ANK2: variants seen among roughly 807,000 people sequenced by gnomAD.
ANK2 encodes the protein ankyrin 2.
In ANK2, 83 loss-of-function variants were observed where a neutral mutation model predicts 360.5. That is an observed-to-expected ratio of 0.23 (90% CI 0.19 to 0.28). The LOEUF is 0.28. Among genes scored for constraint, ANK2 ranks in the 10% least tolerant of loss-of-function variants. The pLI is 1.00. For synonymous variants in ANK2, 1,740 were observed against 1,759.5 expected (o/e 0.99, Z 0.28); for missense variants, 4,201 against 4,795.7 (o/e 0.88, Z 3.66).
At chr4:113,039,481 G>A (rs2062412567) in intron 2 of ANK2, among the ~76,000 whole-genome samples, 1 of 151,840 alleles carries the variant, frequency 6.6e-6, no homozygotes, top group African/African-American at 2.4e-5. Context: ...CTCTCTACTT[G>A]TAATGCCTGA....
chr4:113,047,597 A>G (rs552731487), upstream of ANK2, among the ~76,000 whole-genome samples: 222 of 152,152 alleles, frequency 1.5e-3, 3 homozygotes, highest in African/African-American at 4.0e-3. Flanking sequence ...AGGAAATGGC[A>G]TGGGGATTTC....
chr4:113,356,023 C>G lies in ANK2; in HGVS notation c.7405C>G (p.Leu2469Val). Residue 2469 changes from leucine (L) to valine (V), a missense_variant, in exon 38 of 46, where the codon CTG (leucine) becomes GTG (valine). By Grantham distance (32) the Leu-to-Val change is conservative (BLOSUM62 1). Around this residue, in one of 4 missense-constraint regions of ANK2, gnomAD observed 2,642 missense variants for 2,714.5 expected, o/e 0.97. Transcript: ENST00000357077. ...GAAAGAATCCCCTTGCCGTGACTCT[C>G]TGGAAAGCAGCCCTGTTGAACCAAA... ...PLKESPCRDS[L>V]ESSPVEPKMK... The G allele has an allele frequency of 6.2e-7, 1 of 1,614,122 alleles. No individual in the cohort carries two copies. The highest frequency in any genetic ancestry group is 8.5e-7 in the Non-Finnish European group (1 of 1,179,980).
chr4:113,271,502 A>ACACACT (rs898920008), intron 14 of ANK2, among the ~76,000 whole-genome samples: 2 of 151,478 alleles, frequency 1.3e-5, no homozygotes, highest in African/African-American at 2.4e-5. Context: ...ACACACACAC[A>ACACACT]CTTTTGGAAA....
At chr4:113,257,028 G>A (rs139074907) in intron 11 of ANK2, among the ~76,000 whole-genome samples, 30 of 152,118 alleles carry the variant, frequency 2.0e-4, no homozygotes, top group African/African-American at 7.0e-4. Flanking sequence ...CTCATAAACA[G>A]GGGAAATGAC....
the ANK2 span, among the ~76,000 whole-genome samples, chr4:112,779,484 A>T: frequency 6.6e-6 from 1 of 151,996 alleles, no homozygotes; most frequent in Non-Finnish European, 1.5e-5. Flanking sequence ...GCGCCACTGC[A>T]CTCCAGCCTG....
intron 5 of ANK2, among the ~76,000 whole-genome samples, chr4:113,236,515 G>A (rs1400860827): frequency 1.3e-5 from 2 of 152,118 alleles, no homozygotes; most frequent in South Asian, 2.1e-4. Flanking sequence ...TCCATCCCCA[G>A]GGGCTGTTTT....
chr4:113,175,500 C>A lies in ANK2; in HGVS notation c.186+983C>A, dbSNP rs191150474. On this transcript the variant is annotated intron_variant, in intron 2 of 45. Transcript: ENST00000357077. ...CTTTCCCCCTCTCCAGCCCAGCACT[C>A]CTCTCTTTGTTCACCTTCTGCATCC... Among the ~76,000 whole-genome samples the A allele has an allele frequency of 2.0e-5, 3 of 152,288 alleles. No homozygotes were observed. The East Asian group carries it at 5.8e-4, about 29-fold the overall frequency.
In ANK2 at chr4:113,278,490, C is replaced by T. The variant is rs898855441; in HGVS notation, c.1813C>T (p.His605Tyr). The T allele has an allele frequency of 6.2e-7, 1 of 1,613,972 alleles. No homozygotes were observed. The highest frequency in any genetic ancestry group is 1.1e-5 in the South Asian group (1 of 91,050). The stretch of plus-strand genomic sequence containing the variant: ...CCTTACCCCGCTCCATGTTGCTGCT[C>T]ATTATGACAACCAGAAGGTGGCGCT... ...NGLTPLHVAA[H>Y]YDNQKVALLL... The change falls in exon 17 of 46, where the codon CAT (histidine) becomes TAT (tyrosine). Residue 605 changes from histidine to tyrosine, a missense_variant. Physicochemically the swap from His to Tyr is moderately conservative, Grantham distance 83. Transcript: ENST00000357077.
At chr4:112,777,560 C>CT in the ANK2 span, among the ~76,000 whole-genome samples, 1 of 149,564 alleles carries the variant, frequency 6.7e-6, no homozygotes, top group Non-Finnish European at 1.5e-5. Context: ...TTAAAAAGCC[C>CT]TGCTAATAAA....
At chr4:113,223,470 A>T (rs3025749) in intron 4 of ANK2, among the ~76,000 whole-genome samples, 187 of 152,318 alleles carry the variant, frequency 1.2e-3, no homozygotes, top group Middle Eastern at 3.4e-3. Flanking sequence ...GTAAATATAG[A>T]GTATATAATA....
At chr4:112,966,318 A>G (rs948536148) in intron 2 of ANK2, among the ~76,000 whole-genome samples, 1 of 151,750 alleles carries the variant, frequency 6.6e-6, no homozygotes, top group African/African-American at 2.4e-5. Context: ...CAATTCGAGC[A>G]TAACTCTTTT....
chr4:112,844,424 A>C (rs1443627089), intron 1 of ANK2, among the ~76,000 whole-genome samples: 1 of 152,240 alleles, frequency 6.6e-6, no homozygotes, highest in Non-Finnish European at 1.5e-5. Context: ...CTTGAAGGCA[A>C]GGGCCATAAC....
chr4:113,187,497 T>C (rs1489516242), intron 2 of ANK2, among the ~76,000 whole-genome samples: 1 of 152,214 alleles, frequency 6.6e-6, no homozygotes, highest in Non-Finnish European at 1.5e-5. Flanking sequence ...AGTTTCTTAT[T>C]AACCAATTGT....
At chr4:113,018,589 C>A (rs1256820839) in intron 2 of ANK2, among the ~76,000 whole-genome samples, 1 of 152,140 alleles carries the variant, frequency 6.6e-6, no homozygotes, top group East Asian at 1.9e-4. Flanking sequence ...AGGGTGTAGC[C>A]AGGATCAACC....
chr4:113,245,627 C>T (rs533933352), intron 9 of ANK2, among the ~76,000 whole-genome samples: 26 of 152,204 alleles, frequency 1.7e-4, no homozygotes, highest in African/African-American at 6.3e-4. Flanking sequence ...GGGTAACCAC[C>T]CCGTTATTCA....
chr4:112,788,437 G>A, the ANK2 span: 9 of 1,599,940 alleles, frequency 5.6e-6, no homozygotes, highest in African/African-American at 2.7e-5. Flanking sequence ...GAGCTTTCTT[G>A]TTCTCCACCA....
At position 112,960,749 on chromosome 4, in the gene ANK2, T is replaced by C. The variant is rs2034372212; in HGVS notation, c.21+56235T>C. ...ACCATCATTTTCCTCAACTACAGCGTTTTCATAGTAATAAGATAATTTATT... is the reference window on the plus strand; with the variant it reads ...ACCATCATTTTCCTCAACTACAGCGCTTTCATAGTAATAAGATAATTTATT... On this transcript the variant is annotated intron_variant, in intron 2 of 30. Transcript: ENST00000503271. 3.3e-5 allele frequency among the ~76,000 whole-genome samples: 5 copies of C among 152,230 alleles called. No individual in the cohort carries two copies. In the South Asian group the frequency reaches 1.0e-3, roughly 32 times the overall value.
intron 2 of ANK2, among the ~76,000 whole-genome samples, chr4:112,966,690 C>G (rs936911320): frequency 2.6e-5 from 4 of 151,940 alleles, no homozygotes; most frequent in Admixed American, 6.6e-5. Flanking sequence ...GATATCACAA[C>G]CATAATCATA....
At chr4:112,730,117 G>T in the ANK2 span, among the ~76,000 whole-genome samples, 1 of 151,502 alleles carries the variant, frequency 6.6e-6, no homozygotes, top group Non-Finnish European at 1.5e-5. Flanking sequence ...AGCCAGGTGT[G>T]GTTGTGTGTA....
Sources: gnomAD v4.1 joint callset for allele counts (sites outside exome capture counted in the v4.1 genomes callset) on GRCh38, gnomAD v4.1.1 for gene constraint, gnomAD v4.1.1 regional missense constraint, MANE v1.5 for transcripts, NCBI Gene and HGNC (gene_info 2026-07-23, HGNC 2026-07-21) for gene names.